PRKCQ: variants seen among roughly 807,000 people sequenced by gnomAD.
PRKCQ encodes protein kinase C theta, also known as protein kinase C theta type.
Under a neutral mutation model 91.2 loss-of-function variants are expected in PRKCQ, and 41 were observed. The ratio of observed to expected loss-of-function variants is 0.45; its 90% CI spans 0.35 to 0.58. The LOEUF is 0.58. Among genes scored for constraint, PRKCQ ranks in the 20% least tolerant of loss-of-function variants. The pLI, the probability that PRKCQ is intolerant of heterozygous loss-of-function variation, is 0.00. For synonymous variants in PRKCQ, 307 were observed against 316.9 expected, an observed-to-expected ratio of 0.97 and a Z score of 0.33; for missense variants, 673 against 896.5, an observed-to-expected ratio of 0.75 and a Z score of 3.18.
intron 1 of PRKCQ, among the ~76,000 whole-genome samples, chr10:6,518,476 A>C (rs1474589681): frequency 6.6e-6 from 1 of 152,150 alleles, no homozygotes; most frequent in African/African-American, 2.4e-5. Flanking sequence ...AGGAAAAATT[A>C]ACATTTTAAG....
intron 13 of PRKCQ, 95 bp from the exon 14 acceptor site, chr10:6,462,460 T>C (rs1835404506): frequency 9.8e-7 from 1 of 1,019,520 alleles, no homozygotes; most frequent in Non-Finnish European, 1.5e-6. Flanking sequence ...ATGCTGTGTA[T>C]GGCTAAATGG....
chr10:6,395,075 T>TTTTTTTTTTTTTC, the PRKCQ span, among the ~76,000 whole-genome samples: 3 of 135,806 alleles, frequency 2.2e-5, no homozygotes, highest in African/African-American at 8.5e-5. Context: ...TTTTTTTTTT[T>TTTTTTTTTTTTTC]TTTTTGAGAC....
At chr10:6,438,431 T>A (rs566816906) in intron 16 of PRKCQ, among the ~76,000 whole-genome samples, 1 of 152,256 alleles carries the variant, frequency 6.6e-6, no homozygotes, top group Non-Finnish European at 1.5e-5. Flanking sequence ...TGTTGAAGGA[T>A]CTTATCCTAT....
the PRKCQ span, among the ~76,000 whole-genome samples, chr10:6,411,017 A>G: frequency 1.3e-5 from 2 of 151,416 alleles, no homozygotes; most frequent in African/African-American, 4.9e-5. Context: ...CAAGATGCCA[A>G]TCATCCCTGT....
chr10:6,489,631 G>A (rs914399434), intron 8 of PRKCQ: 35 of 378,862 alleles, frequency 9.2e-5, no homozygotes, highest in Non-Finnish European at 1.5e-4. Flanking sequence ...CGGGGTGAGC[G>A]GAGCAGGCGG....
chr10:6,571,012 G>C (rs1841023451), intron 1 of PRKCQ, among the ~76,000 whole-genome samples: 1 of 152,170 alleles, frequency 6.6e-6, no homozygotes, highest in Non-Finnish European at 1.5e-5. Flanking sequence ...CAGCTGCTGA[G>C]TGCGAGGGGA....
chr10:6,551,846 T>C (rs1360152233), intron 1 of PRKCQ, among the ~76,000 whole-genome samples: 2 of 152,256 alleles, frequency 1.3e-5, no homozygotes, highest in Non-Finnish European at 2.9e-5. Context: ...AGTAATGGGA[T>C]TCCTGGGTCG....
chr10:6,428,950 A>G (rs1833267455), intron 17 of PRKCQ, among the ~76,000 whole-genome samples: 1 of 152,192 alleles, frequency 6.6e-6, no homozygotes, highest in African/African-American at 2.4e-5. Flanking sequence ...TTTTCATGGC[A>G]AAAAAACCAA....
intron 16 of PRKCQ, among the ~76,000 whole-genome samples, chr10:6,441,254 T>C (rs981656124): frequency 6.6e-6 from 1 of 152,184 alleles, no homozygotes; most frequent in African/African-American, 2.4e-5. Flanking sequence ...CATTTTCTCC[T>C]GCCTCAGCCT....
At chr10:6,538,701 A>G (rs1394389624) in intron 1 of PRKCQ, among the ~76,000 whole-genome samples, 1 of 152,202 alleles carries the variant, frequency 6.6e-6, no homozygotes, top group Admixed American at 6.5e-5. Context: ...CGGAGTTGGA[A>G]TAAGACTGAT....
At chr10:6,412,975 C>G in the PRKCQ span, among the ~76,000 whole-genome samples, 1 of 151,906 alleles carries the variant, frequency 6.6e-6, no homozygotes, top group Admixed American at 6.6e-5. Context: ...TTTTTTGAGA[C>G]AGAGTCTCAC....
intron 13 of PRKCQ, among the ~76,000 whole-genome samples, chr10:6,463,480 T>C (rs1835467564): frequency 6.6e-6 from 1 of 152,140 alleles, no homozygotes; most frequent in Non-Finnish European, 1.5e-5. Flanking sequence ...AAATTACCTC[T>C]GGGTGCATTG....
chr10:6,404,785 CTCCT>C, the PRKCQ span, among the ~76,000 whole-genome samples: 1 of 130,536 alleles, frequency 7.7e-6, no homozygotes, highest in African/African-American at 2.9e-5. Flanking sequence ...CCTTCCTTCA[CTCCT>C]TCCTTCCTTC....
intron 1 of PRKCQ, among the ~76,000 whole-genome samples, chr10:6,518,159 C>G (rs34432747): frequency 4.0e-5 from 6 of 151,726 alleles, no homozygotes; most frequent in Non-Finnish European, 8.8e-5. Flanking sequence ...CTACACCAAG[C>G]CAAAAGTCAA....
chr10:6,528,470 C>T (rs1051903000), intron 1 of PRKCQ, among the ~76,000 whole-genome samples: 2 of 152,130 alleles, frequency 1.3e-5, no homozygotes, highest in African/African-American at 4.8e-5. Context: ...TCGCCTGGGA[C>T]GCTGTGAACA....
At chr10:6,479,302 G>T in intron 11 of PRKCQ, 137 bp from the exon 12 acceptor site, 1 of 928,078 alleles carries the variant, frequency 1.1e-6, no homozygotes, top group South Asian at 1.8e-5. Context: ...TCCTGCATAG[G>T]CCATTCCTGA....
intron 12 of PRKCQ, among the ~76,000 whole-genome samples, chr10:6,475,830 G>T (rs947572503): frequency 2.0e-5 from 3 of 152,150 alleles, no homozygotes; most frequent in Admixed American, 6.5e-5. Flanking sequence ...AACAACTCGG[G>T]GTGTTGGAAA....
chr10:6,413,588 G>GCACACACA, the PRKCQ span, among the ~76,000 whole-genome samples: 3 of 23,840 alleles, frequency 1.3e-4, no homozygotes, highest in East Asian at 4.2e-3. Context: ...TGCCACTTGT[G>GCACACACA]CACACACACA....
chr10:6,545,634 GGGATGATGAAAAGGTTCT>G (rs1162088840), intron 1 of PRKCQ, among the ~76,000 whole-genome samples: 1 of 152,126 alleles, frequency 6.6e-6, no homozygotes, highest in Non-Finnish European at 1.5e-5. Flanking sequence ...GTCTCAGTTT[GGGATGATGAAAAGGTTCT>G]GGAGATGCGT....
Sources: allele counts gnomAD v4.1 joint callset (sites outside exome capture counted in the v4.1 genomes callset), GRCh38; gene constraint gnomAD v4.1.1; transcripts MANE v1.5; gene names NCBI Gene and HGNC (gene_info 2026-07-23, HGNC 2026-07-21).